The following PTK7 variants were observed in gnomAD, a reference collection of about 807,000 sequenced individuals.
PTK7 encodes protein tyrosine kinase 7 (inactive), also known as inactive tyrosine-protein kinase 7.
A neutral mutation model predicts 116.6 loss-of-function variants in PTK7; 39 were observed. That is an observed-to-expected ratio of 0.33 (90% CI 0.26 to 0.44). The LOEUF (loss-of-function observed/expected upper bound fraction) is 0.44, where lower values mean the gene tolerates loss of function less well. PTK7 is among the 20% of genes least tolerant of loss of function. The pLI is 1.00. For missense variants in PTK7, 1,169 were observed against 1,425.6 expected (o/e 0.82, Z 2.90); for synonymous variants, 546 against 563.6 (o/e 0.97, Z 0.44).
intron 17 of PTK7, 25 bp from the exon 18 acceptor site, chr6:43,158,792 C>G (rs763173531): frequency 6.2e-7 from 1 of 1,610,284 alleles, no homozygotes; most frequent in Non-Finnish European, 8.5e-7. Flanking sequence ...CTGGGCTGCT[C>G]TAACAGGCCC....
At chr6:43,111,179 T>C (rs1353343459) in intron 1 of PTK7, among the ~76,000 whole-genome samples, 1 of 152,216 alleles carries the variant, frequency 6.6e-6, no homozygotes. Context: ...AGCAGAGCAT[T>C]GTCTGGAGGT....
chr6:43,159,810 G>A lies in PTK7; in HGVS notation c.2896G>A (p.Ala966Thr), dbSNP rs767150172. The part of the protein sequence containing the change: ...YNSEYYHFRQ[A>T]WVPLRWMSPE... ...CAGTGAGTACTACCACTTCCGCCAG[G>A]CCTGGGTGCCGCTGCGCTGGATGTC... is the stretch of plus-strand genomic sequence containing the variant. The change falls in exon 19 of 20, where the codon GCC (alanine) becomes ACC (threonine). Residue 966 changes from alanine to threonine, a missense_variant. Coordinates refer to ENST00000230419, the MANE Select transcript of PTK7 (RefSeq NM_002821.5). The A allele has an allele frequency of 2.5e-6, 4 of 1,614,210 alleles. No individual in the cohort carries two copies. In the South Asian group the frequency reaches 4.4e-5, roughly 18 times the overall value.
chr6:43,144,214 T>C (rs771422160), intron 14 of PTK7: 8 of 540,442 alleles, frequency 1.5e-5, no homozygotes, highest in Non-Finnish European at 2.3e-5. Flanking sequence ...GCAGTTGGCT[T>C]CATCTCAGAG....
At chr6:43,092,830 T>C (rs1561937017) in intron 1 of PTK7, among the ~76,000 whole-genome samples, 1 of 152,182 alleles carries the variant, frequency 6.6e-6, no homozygotes, top group Non-Finnish European at 1.5e-5. Flanking sequence ...TTGTGATGGT[T>C]ATCTGTGGTG....
intron 7 of PTK7, among the ~76,000 whole-genome samples, chr6:43,133,890 C>T (rs1490118737): frequency 6.6e-6 from 1 of 152,182 alleles, no homozygotes; most frequent in Non-Finnish European, 1.5e-5. Context: ...AGAAGACATG[C>T]ACCTATACTC....
At position 43,143,825 on chromosome 6, in the gene PTK7, A is replaced by AT. The variant is rs1242797699; in HGVS notation, c.2251+207dup. ...GAGCAACCTGGCTTGAGACTTCTTCATTGGAGCCCCTTGGACCAGCTTCCT... is the reference window on the plus strand; with the variant it reads ...GAGCAACCTGGCTTGAGACTTCTTCATTTGGAGCCCCTTGGACCAGCTTCCT... On this transcript the variant is annotated intron_variant, in intron 14 of 19. Coordinates refer to ENST00000230419, the MANE Select transcript of PTK7 (RefSeq NM_002821.5). The surrounding 1 kb of genome is among the most constrained non-coding windows in gnomAD (Gnocchi z 4.2). Among the ~76,000 whole-genome samples the AT allele has an allele frequency of 2.6e-5, 4 of 152,298 alleles. No individual in the cohort carries two copies. The highest frequency in any genetic ancestry group is 9.6e-5 in the African/African-American group (4 of 41,568).
chr6:43,161,124 C>G lies in PTK7; in HGVS notation c.*243C>G. 1 of 526,222 alleles carries G rather than the reference C, an allele frequency of 1.9e-6. No individual in the cohort carries two copies. Among genetic ancestry groups the G allele is most frequent in the Non-Finnish European group, 3.3e-6 (1 of 298,830 alleles). 32.6% of individuals were successfully genotyped at this position (526,222 alleles called of 1,614,324 possible). A position where few individuals can be genotyped will look rare whatever the true frequency, so the allele number is the denominator to read the frequency against. ...TGAGCTGGGCAGTTTTCCCTGCCACCTCTTCCTCTATCAGGGACAGTGTGG... is the reference window on the plus strand; with the variant it reads ...TGAGCTGGGCAGTTTTCCCTGCCACGTCTTCCTCTATCAGGGACAGTGTGG... On this transcript the variant is annotated 3_prime_UTR_variant, in exon 20 of 20. Transcript: ENST00000230419.
intron 7 of PTK7, among the ~76,000 whole-genome samples, chr6:43,136,286 G>C (rs955720597): frequency 6.6e-6 from 1 of 151,028 alleles, no homozygotes; most frequent in Non-Finnish European, 1.5e-5. Context: ...AGTGAACAGA[G>C]ATCGCGCCAC....
At position 43,129,244 on chromosome 6, in the gene PTK7, A is replaced by T. The variant is rs1460965413; in HGVS notation, c.347A>T (p.Asn116Ile). 1.2e-6 allele frequency: 2 copies of T among 1,613,992 alleles called. No homozygotes were observed. Among genetic ancestry groups the T allele is most frequent in the East Asian group, 4.5e-5 (2 of 44,894 alleles). Residue 116 changes from asparagine (N) to isoleucine (I), a missense_variant, in exon 2 of 20, where the codon AAC becomes ATC. Physicochemically the swap from Asn to Ile is moderately radical, Grantham distance 149. Coordinates refer to ENST00000230419, the MANE Select transcript of PTK7 (RefSeq NM_002821.5). The surrounding 1 kb of genome is among the most constrained non-coding windows in gnomAD (Gnocchi z 4.5). ...ACTGGAGAAGAAGCCCGCAGTGCCA[A>T]CGCCTCCTTCAACATCAAATGTGAG... ...DVTGEEARSA[N>I]ASFNIKWIEA...
chr6:43,154,034 G>A (rs1003832589), intron 17 of PTK7, among the ~76,000 whole-genome samples: 1 of 152,098 alleles, frequency 6.6e-6, no homozygotes, highest in Non-Finnish European at 1.5e-5. Flanking sequence ...ATGGTGGTGG[G>A]CACCTGTAAT....
chr6:43,082,940 C>A (rs1488033462), intron 1 of PTK7, among the ~76,000 whole-genome samples: 1 of 152,204 alleles, frequency 6.6e-6, no homozygotes, highest in African/African-American at 2.4e-5. Flanking sequence ...AGGCATGTCT[C>A]CGCTGGGCTT....
chr6:43,140,155 A>G (rs1437300835), intron 10 of PTK7, among the ~76,000 whole-genome samples: 2 of 151,906 alleles, frequency 1.3e-5, no homozygotes, highest in South Asian at 4.1e-4. Context: ...TCCTTTACAA[A>G]ATACTGGAAG....
At chr6:43,122,797 G>T (rs1334154010) in intron 1 of PTK7, among the ~76,000 whole-genome samples, 1 of 152,026 alleles carries the variant, frequency 6.6e-6, no homozygotes, top group Non-Finnish European at 1.5e-5. Flanking sequence ...AGTAGATATG[G>T]GGTTTCATCA....
intron 7 of PTK7, among the ~76,000 whole-genome samples, chr6:43,134,008 G>A (rs1215235071): frequency 1.3e-5 from 2 of 152,188 alleles, no homozygotes; most frequent in Admixed American, 6.6e-5. Flanking sequence ...TCCAGTTGAG[G>A]TCTGAGAATC....
Position 43,160,744 on chromosome 6 carries a change from C to T in PTK7, c.3076C>T (p.Leu1026Phe), listed in dbSNP as rs745561344. The T allele has an allele frequency of 1.2e-5, 19 of 1,614,202 alleles. No individual in the cohort carries two copies. Among genetic ancestry groups the T allele is most frequent in the Non-Finnish European group, 1.6e-5 (19 of 1,180,026 alleles). The change falls in exon 20 of 20, where the codon CTT (leucine) becomes TTT (phenylalanine). Residue 1026 changes from leucine (L) to phenylalanine (F), a missense_variant. Physicochemically the swap from Leu to Phe is conservative, Grantham distance 22 (BLOSUM62 0). Around this residue, in one of 3 missense-constraint regions of PTK7, gnomAD observed 678 missense variants for 853.8 expected, o/e 0.79. Transcript: ENST00000230419. ...LADLQAGKAR[L>F]PQPEGCPSKL... Reference sequence around the variant, plus strand: ...AGATTTGCAGGCTGGGAAGGCTAGACTTCCTCAGCCCGAGGGCTGCCCTTC... The same window carrying T: ...AGATTTGCAGGCTGGGAAGGCTAGATTTCCTCAGCCCGAGGGCTGCCCTTC...
intron 1 of PTK7, among the ~76,000 whole-genome samples, chr6:43,095,086 G>A (rs567564197): frequency 1.3e-3 from 194 of 149,440 alleles, no homozygotes; most frequent in Non-Finnish European, 2.4e-3. Context: ...AAGGCCGGGC[G>A]CAGTGGCTCA....
At position 43,157,183 on chromosome 6, in the gene PTK7, T is replaced by TC. The variant is rs1405455961; in HGVS notation, c.2722-1631dup. ...TTGGATTGTGGTTTTTTTTTTTTTT[T>TC]CCCACAAAAAAATGTAAGCCAGAAG... On this transcript the variant is annotated intron_variant, in intron 17 of 19. Coordinates refer to ENST00000230419, the MANE Select transcript of PTK7 (RefSeq NM_002821.5). 2.1e-3 allele frequency among the ~76,000 whole-genome samples: 309 copies of TC among 147,350 alleles called. 1 individual carries two copies. The highest frequency in any genetic ancestry group is 7.2e-3 in the African/African-American group (289 of 40,276).
chr6:43,134,288 C>T (rs906231918), intron 7 of PTK7, among the ~76,000 whole-genome samples: 2 of 152,102 alleles, frequency 1.3e-5, no homozygotes, highest in Non-Finnish European at 2.9e-5. Context: ...ATCCACCTGC[C>T]TCGGCCTCCT....
At chr6:43,094,371 T>G (rs1352802119) in intron 1 of PTK7, among the ~76,000 whole-genome samples, 1 of 152,124 alleles carries the variant, frequency 6.6e-6, no homozygotes, top group Non-Finnish European at 1.5e-5. Flanking sequence ...TTGGTTGCTT[T>G]CTGGTTCATT....
Sources: allele counts gnomAD v4.1 joint callset (sites outside exome capture counted in the v4.1 genomes callset), GRCh38; gene constraint gnomAD v4.1.1; regional missense constraint gnomAD v4.1.1; non-coding constraint Gnocchi (gnomAD v3.1); transcripts MANE v1.5; gene names NCBI Gene and HGNC (gene_info 2026-07-23, HGNC 2026-07-21).